Variants in PSME3IP1 observed in about 807,000 individuals in gnomAD.
The protein encoded by PSME3IP1 is proteasome activator subunit 3 interacting protein 1.
Under a neutral mutation model 34.1 loss-of-function variants are expected in PSME3IP1, and 13 were observed. The ratio of observed to expected loss-of-function variants is 0.38; its 90% CI spans 0.25 to 0.61. The LOEUF (loss-of-function observed/expected upper bound fraction) is 0.61. PSME3IP1 is among the 20% of genes least tolerant of loss of function. The pLI is 0.60. For missense variants in PSME3IP1, 237 were observed against 301.4 expected, an observed-to-expected ratio of 0.79 and a Z score of 1.58; for synonymous variants, 93 against 114.3, an observed-to-expected ratio of 0.81 and a Z score of 1.19.
At chr16:57,158,797 A>G (rs78385700) in intron 6 of PSME3IP1, among the ~76,000 whole-genome samples, 4,424 of 152,250 alleles carry the variant, frequency 0.029, 233 homozygotes, top group African/African-American at 0.1. Context: ...TACAACCTAG[A>G]TGGTATAGCC....
intron 6 of PSME3IP1, among the ~76,000 whole-genome samples, chr16:57,161,308 T>C (rs1339196075): frequency 6.6e-6 from 1 of 152,210 alleles, no homozygotes. Flanking sequence ...GGCATACAGA[T>C]AGACATATAT....
intron 1 of PSME3IP1, 91 bp downstream of exon 1, chr16:57,185,730 C>G: frequency 1.0e-6 from 1 of 985,458 alleles, no homozygotes; most frequent in Non-Finnish European, 1.2e-6. Flanking sequence ...CAGGCCTGGC[C>G]CTAACCCTAA....
chr16:57,161,220 G>C (rs2071184591), intron 6 of PSME3IP1, among the ~76,000 whole-genome samples: 4 of 152,172 alleles, frequency 2.6e-5, no homozygotes, highest in Admixed American at 1.3e-4. Context: ...TTGAAAAAGA[G>C]GAGCCAAGTT....
intron 5 of PSME3IP1, among the ~76,000 whole-genome samples, chr16:57,165,530 C>T (rs1597644596): frequency 1.3e-5 from 2 of 152,310 alleles, no homozygotes; most frequent in East Asian, 3.9e-4. Context: ...TCTTATGCTT[C>T]ATGACATATA....
At chr16:57,178,139 C>T (rs1450891947) in intron 1 of PSME3IP1, among the ~76,000 whole-genome samples, 1 of 152,148 alleles carries the variant, frequency 6.6e-6, no homozygotes, top group African/African-American at 2.4e-5. Flanking sequence ...ACATAGACTG[C>T]TTTATGCATC....
intron 1 of PSME3IP1, among the ~76,000 whole-genome samples, chr16:57,177,340 C>T (rs1227014753): frequency 6.6e-6 from 1 of 150,736 alleles, no homozygotes; most frequent in African/African-American, 2.5e-5. Flanking sequence ...CACCACTACA[C>T]CTGGCTAATT....
chr16:57,171,905 G>T (rs746778113), intron 4 of PSME3IP1, among the ~76,000 whole-genome samples: 2 of 152,176 alleles, frequency 1.3e-5, no homozygotes, highest in Non-Finnish European at 2.9e-5. Context: ...AAGAATATAG[G>T]AAAGTTGCTA....
intron 1 of PSME3IP1, among the ~76,000 whole-genome samples, chr16:57,182,979 C>A (rs1175702674): frequency 6.6e-6 from 1 of 152,020 alleles, no homozygotes; most frequent in Non-Finnish European, 1.5e-5. Context: ...ATGCTATGTA[C>A]TAAACAGGCA....
intron 4 of PSME3IP1, among the ~76,000 whole-genome samples, chr16:57,169,273 T>G (rs2072281020): frequency 1.3e-5 from 2 of 152,230 alleles, no homozygotes; most frequent in Non-Finnish European, 2.9e-5. Context: ...TGGTTTAACC[T>G]GAGACGAAAC....
chr16:57,155,161 A>C (rs1304145530), intron 6 of PSME3IP1, among the ~76,000 whole-genome samples: 1 of 152,242 alleles, frequency 6.6e-6, no homozygotes, highest in Non-Finnish European at 1.5e-5. Flanking sequence ...AAACCAATTT[A>C]ACACAACCTT....
chr16:57,162,970 G>A (rs1328726985), intron 6 of PSME3IP1, among the ~76,000 whole-genome samples: 1 of 152,016 alleles, frequency 6.6e-6, no homozygotes, highest in Non-Finnish European at 1.5e-5. Context: ...TGCAAGACCA[G>A]CCTGGCCAAC....
intron 6 of PSME3IP1, among the ~76,000 whole-genome samples, chr16:57,157,313 CAAAAAAA>C (rs751911757): frequency 2.6e-5 from 2 of 76,854 alleles, no homozygotes; most frequent in Non-Finnish European, 2.7e-5. Context: ...AACCTATCTC[CAAAAAAA>C]AAAAAAAAAA....
intron 5 of PSME3IP1, among the ~76,000 whole-genome samples, chr16:57,166,735 G>T (rs1431443309): frequency 1.3e-5 from 2 of 152,166 alleles, no homozygotes; most frequent in Admixed American, 1.3e-4. Flanking sequence ...ACAAAGAAGG[G>T]TCTCAACCTC....
chr16:57,158,326 G>A (rs1029843148), intron 6 of PSME3IP1, among the ~76,000 whole-genome samples: 4 of 151,610 alleles, frequency 2.6e-5, no homozygotes, highest in Non-Finnish European at 2.9e-5. Flanking sequence ...GGTGGCTCAC[G>A]CCTGTAATCC....
At position 57,184,065 on chromosome 16, in the gene PSME3IP1, A is replaced by G. The variant is rs190501970; in HGVS notation, c.-16+1756T>C. ...AAATAGTAAGAAATAAAAAACTGTA[A>G]AAGTGTCACAAACCAAACAGAACTT... On this transcript the variant is annotated intron_variant, in intron 1 of 6. Coordinates refer to ENST00000309137, the MANE Select transcript of PSME3IP1 (RefSeq NM_024946.4). Among the ~76,000 whole-genome samples, 476 of 150,180 alleles carry G rather than the reference A, an allele frequency of 3.2e-3. 3 individuals are homozygous for G. The highest frequency in any genetic ancestry group is 0.011 in the African/African-American group (447 of 39,500).
intron 6 of PSME3IP1, among the ~76,000 whole-genome samples, chr16:57,157,313 C>CAAAA (rs751911757): frequency 2.6e-5 from 2 of 76,838 alleles, no homozygotes; most frequent in Non-Finnish European, 5.4e-5. Flanking sequence ...AACCTATCTC[C>CAAAA]AAAAAAAAAA....
At chr16:57,162,276 A>G (rs2071343950) in intron 6 of PSME3IP1, among the ~76,000 whole-genome samples, 1 of 152,248 alleles carries the variant, frequency 6.6e-6, no homozygotes, top group Non-Finnish European at 1.5e-5. Flanking sequence ...TGCTAGAGAC[A>G]TATATTAAGA....
At chr16:57,184,775 A>G (rs1308619260) in intron 1 of PSME3IP1, among the ~76,000 whole-genome samples, 1 of 152,252 alleles carries the variant, frequency 6.6e-6, no homozygotes, top group Non-Finnish European at 1.5e-5. Flanking sequence ...TTCCTTTCTT[A>G]TATCATGAAG....
chr16:57,167,326 T>C, intron 4 of PSME3IP1, 100 bp from the exon 5 acceptor site: 1 of 1,290,464 alleles, frequency 7.7e-7, no homozygotes, highest in Non-Finnish European at 1.1e-6. Context: ...CCTACTTATT[T>C]AAATAAATGC....
Sources: allele counts gnomAD v4.1 joint callset (sites outside exome capture counted in the v4.1 genomes callset), GRCh38; gene constraint gnomAD v4.1.1; transcripts MANE v1.5; gene names NCBI Gene and HGNC (gene_info 2026-07-23, HGNC 2026-07-21).